The following GDI2 variants were observed in gnomAD, a reference collection of about 807,000 sequenced individuals.
The protein encoded by GDI2 is rab GDP dissociation inhibitor beta.
GDI2 carries 22 observed loss-of-function variants against 54.2 expected under a neutral mutation model. That is an observed-to-expected ratio of 0.41 (90% CI 0.29 to 0.58). The LOEUF (loss-of-function observed/expected upper bound fraction) is 0.58. Ranked by LOEUF, GDI2 falls within the 20% of genes least tolerant of loss-of-function variation. The pLI, the probability that GDI2 is intolerant of heterozygous loss-of-function variation, is 0.35. For missense variants in GDI2, 422 were observed against 546.0 expected, an observed-to-expected ratio of 0.77 and a Z score of 2.26; for synonymous variants, 177 against 182.1, an observed-to-expected ratio of 0.97 and a Z score of 0.23.
Position 5,785,972 on chromosome 10 carries a change from C to T in GDI2, c.467G>A (p.Arg156Lys), listed in dbSNP as rs202191827. The T allele has an allele frequency of 3.1e-6, 5 of 1,613,252 alleles. No individual in the cohort carries two copies. Among genetic ancestry groups the T allele is most frequent in the Non-Finnish European group, 4.2e-6 (5 of 1,179,420 alleles). The change falls in exon 5 of 11, where the codon AGA becomes AAA. Residue 156 changes from arginine (R) to lysine (K), a missense_variant. Coordinates refer to ENST00000380191, the MANE Select transcript of GDI2 (RefSeq NM_001494.4). ...YVANFDEKDPRTFEGIDPKKT... is the reference protein window; with the variant it reads ...YVANFDEKDPKTFEGIDPKKT... Reference sequence around the variant, plus strand: ...CTTAGGATCAATGCCTTCAAAAGTTCTTGGATCTTTTTCATCGAAGTTGGC... The same window carrying T: ...CTTAGGATCAATGCCTTCAAAAGTTTTTGGATCTTTTTCATCGAAGTTGGC...
At position 5,796,882 on chromosome 10, in the gene GDI2, T is replaced by C. The variant is rs187495490; in HGVS notation, c.154-20A>G. 3.5e-3 allele frequency: 4,097 copies of C among 1,185,000 alleles called. 10 individuals carry two copies. The highest frequency in any genetic ancestry group is 4.5e-3 in the Non-Finnish European group (3,539 of 792,094). The allele number at this position is 1,185,000 out of a possible 1,614,324, so 73.4% of individuals were successfully genotyped here. A position where few individuals can be genotyped will look rare whatever the true frequency, so the allele number is the denominator to read the frequency against. On this transcript the variant is annotated intron_variant, in intron 2 of 10. Coordinates refer to ENST00000380191, the MANE Select transcript of GDI2 (RefSeq NM_001494.4). ...GTATAACTAAAAGCAAGGAAAAACATAGCCATAATGTTAACAAAATTTAAT... is the reference window on the plus strand; with the variant it reads ...GTATAACTAAAAGCAAGGAAAAACACAGCCATAATGTTAACAAAATTTAAT...
intron 7 of GDI2, among the ~76,000 whole-genome samples, chr10:5,770,142 T>C (rs971305258): frequency 2.0e-5 from 3 of 152,226 alleles, no homozygotes; most frequent in Non-Finnish European, 4.4e-5. Flanking sequence ...GCAAATACTA[T>C]ATTATTCCGT....
At chr10:5,795,083 TACTA>T in intron 3 of GDI2, 64 bp from the exon 4 acceptor site, 3 of 983,660 alleles carry the variant, frequency 3.0e-6, no homozygotes, top group Non-Finnish European at 4.7e-6. Flanking sequence ...CATTTACTAA[TACTA>T]ACAGCTTCTA....
At chr10:5,781,443 G>A (rs943951626) in intron 6 of GDI2, among the ~76,000 whole-genome samples, 2 of 151,136 alleles carry the variant, frequency 1.3e-5, no homozygotes, top group African/African-American at 4.9e-5. Flanking sequence ...CCGGCTAACA[G>A]TGAAACCCCG....
intron 4 of GDI2, among the ~76,000 whole-genome samples, chr10:5,791,701 T>C (rs528298987): frequency 1.3e-4 from 20 of 149,698 alleles, no homozygotes; most frequent in South Asian, 1.1e-3. Context: ...GAGCGCACCA[T>C]TGCACTCCAG....
rs1840574444 is a variant in GDI2, at chr10:5,774,566, C to T, written c.720-625G>A. On this transcript the variant is annotated intron_variant, in intron 6 of 10. Transcript: ENST00000380191. This position sits in a 1 kb window ranked among gnomAD's most constrained non-coding sequence, Gnocchi z 4.8. ...CTAACCAATCACCGGAACAGTTCCT[C>T]TCGGCCGCAGCGGCTCTGCATCCAT... is the stretch of plus-strand genomic sequence containing the variant. Among the ~76,000 whole-genome samples the T allele has an allele frequency of 6.6e-6, 1 of 152,140 alleles. No individual in the cohort carries two copies. Among genetic ancestry groups the T allele is most frequent in the South Asian group, 2.1e-4 (1 of 4,828 alleles).
In GDI2 at chr10:5,773,978, G is replaced by C. The variant is rs959615519; in HGVS notation, c.720-37C>G. 19 of 856,754 alleles carry C rather than the reference G, an allele frequency of 2.2e-5. No individual in the cohort carries two copies. In the Admixed American group the frequency reaches 2.6e-4, roughly 12 times the overall value. The allele number at this position is 856,754 out of a possible 1,614,324, so 53.1% of individuals were successfully genotyped here. On this transcript the variant is annotated intron_variant, in intron 6 of 10. Coordinates refer to ENST00000380191, the MANE Select transcript of GDI2 (RefSeq NM_001494.4). ...TTAAAATCCCAATTAATAATATATAGTTGTTTCAACTCCTAAAGTCCCCTT... is the reference window on the plus strand; with the variant it reads ...TTAAAATCCCAATTAATAATATATACTTGTTTCAACTCCTAAAGTCCCCTT...
Position 5,765,980 on chromosome 10 carries a change from T to C in GDI2, c.*26A>G. On this transcript the variant is annotated 3_prime_UTR_variant, in exon 11 of 11. Coordinates refer to ENST00000380191, the MANE Select transcript of GDI2 (RefSeq NM_001494.4). ...TATTTGCCAAATTTTAAATGTGTCCTAATTACATAATAACATGTACTGCTG... is the reference window on the plus strand; with the variant it reads ...TATTTGCCAAATTTTAAATGTGTCCCAATTACATAATAACATGTACTGCTG... 6.5e-7 allele frequency: 1 copy of C among 1,540,636 alleles called. No homozygotes were observed. The highest frequency in any genetic ancestry group is 8.7e-7 in the Non-Finnish European group (1 of 1,144,066).
At chr10:5,806,748 T>TC (rs1000219904) in intron 1 of GDI2, among the ~76,000 whole-genome samples, 2 of 152,094 alleles carry the variant, frequency 1.3e-5, no homozygotes, top group African/African-American at 4.8e-5. Flanking sequence ...AACATATAGT[T>TC]CCACATATGA....
rs1190243436 is a variant in GDI2, at chr10:5,770,987, AGAT to A, written c.820-2606_820-2604del. ...TCAAAAAAAAAAAAAAAAAAAAAAA[AGAT>A]GGTAAATTTTATGGGTACTTTATCA... On this transcript the variant is annotated intron_variant, in intron 7 of 10. Transcript: ENST00000380191. Among the ~76,000 whole-genome samples, 6 of 145,358 alleles carry A rather than the reference AGAT, an allele frequency of 4.1e-5. 1 individual carries two copies. The East Asian group carries it at 1.2e-3, about 29-fold the overall frequency.
At chr10:5,780,703 G>A (rs766313223) in intron 6 of GDI2, among the ~76,000 whole-genome samples, 1 of 152,162 alleles carries the variant, frequency 6.6e-6, no homozygotes, top group South Asian at 2.1e-4. Flanking sequence ...TCAGTACAAA[G>A]AGATTGAACA....
At position 5,805,782 on chromosome 10, in the gene GDI2, C is replaced by T. The variant is rs1422545899; in HGVS notation, c.46-5077G>A. Among the ~76,000 whole-genome samples, 3 of 152,292 alleles carry T rather than the reference C, an allele frequency of 2.0e-5. No homozygotes were observed. The East Asian group carries it at 5.8e-4, about 29-fold the overall frequency. ...TTATATATAAGAATAACCTGGAGATCCTGTTAAACTGTAGATTCTGATTCT... is the reference window on the plus strand; with the variant it reads ...TTATATATAAGAATAACCTGGAGATTCTGTTAAACTGTAGATTCTGATTCT... On this transcript the variant is annotated intron_variant, in intron 1 of 10. Coordinates refer to ENST00000380191, the MANE Select transcript of GDI2 (RefSeq NM_001494.4).
At chr10:5,781,632 A>T (rs965201408) in intron 6 of GDI2, among the ~76,000 whole-genome samples, 26 of 152,032 alleles carry the variant, frequency 1.7e-4, no homozygotes, top group African/African-American at 5.5e-4. Flanking sequence ...CTCCAAAAAA[A>T]AAAAAAAAAA....
intron 7 of GDI2, among the ~76,000 whole-genome samples, chr10:5,770,442 T>C (rs1454280735): frequency 6.6e-6 from 1 of 151,808 alleles, no homozygotes; most frequent in Non-Finnish European, 1.5e-5. Context: ...GCATCTATAA[T>C]CCCAGCTACC....
chr10:5,787,928 C>T (rs1342809528), intron 4 of GDI2, among the ~76,000 whole-genome samples: 1 of 152,046 alleles, frequency 6.6e-6, no homozygotes, highest in Non-Finnish European at 1.5e-5. Context: ...CTTTATTTTC[C>T]TCCATTACCT....
intron 1 of GDI2, among the ~76,000 whole-genome samples, chr10:5,801,290 G>A (rs1841264782): frequency 6.6e-6 from 1 of 152,174 alleles, no homozygotes; most frequent in African/African-American, 2.4e-5. Flanking sequence ...CACTGATGAT[G>A]TAAAATCAAT....
intron 7 of GDI2, among the ~76,000 whole-genome samples, chr10:5,770,671 G>T (rs1840466965): frequency 6.6e-6 from 1 of 151,906 alleles, no homozygotes; most frequent in Non-Finnish European, 1.5e-5. Context: ...CAATGGTTAA[G>T]ATGGTAAATT....
chr10:5,801,365 C>T (rs1841266281), intron 1 of GDI2, among the ~76,000 whole-genome samples: 1 of 152,178 alleles, frequency 6.6e-6, no homozygotes, highest in Admixed American at 6.5e-5. Context: ...TCTTCATCGC[C>T]AGGCATTCAT....
chr10:5,800,011 T>TAG (rs1841232854), intron 2 of GDI2, among the ~76,000 whole-genome samples: 1 of 152,210 alleles, frequency 6.6e-6, no homozygotes, highest in Non-Finnish European at 1.5e-5. Context: ...TATTGTCTAA[T>TAG]AAGTCACTGA....
Sources: gnomAD v4.1 joint callset for allele counts (sites outside exome capture counted in the v4.1 genomes callset) on GRCh38, gnomAD v4.1.1 for gene constraint, Gnocchi (gnomAD v3.1) non-coding constraint, MANE v1.5 for transcripts, NCBI Gene and HGNC (gene_info 2026-07-23, HGNC 2026-07-21) for gene names.